The following PITPNM2 variants were observed in gnomAD, a reference collection of about 807,000 sequenced individuals.
PITPNM2 encodes membrane-associated phosphatidylinositol transfer protein 2.
In PITPNM2, 35 loss-of-function variants were observed where a neutral mutation model predicts 132.2. That is an observed-to-expected ratio of 0.26 (90% CI 0.20 to 0.35). The LOEUF (loss-of-function observed/expected upper bound fraction) is 0.35. Among genes scored for constraint, PITPNM2 ranks in the 10% least tolerant of loss-of-function variants. The pLI is 1.00. For missense variants in PITPNM2, 1,332 were observed against 1,912.0 expected (o/e 0.70, Z 5.66); for synonymous variants, 738 against 799.2 (o/e 0.92, Z 1.29).
At chr12:123,052,816 T>C (rs1037793792) in intron 2 of PITPNM2, among the ~76,000 whole-genome samples, 3 of 149,246 alleles carry the variant, frequency 2.0e-5, no homozygotes, top group African/African-American at 7.4e-5. Flanking sequence ...GAAACCAGCC[T>C]GTAGTTTTGT....
chr12:123,065,176 A>C (rs1592985700), intron 2 of PITPNM2, among the ~76,000 whole-genome samples: 1 of 152,348 alleles, frequency 6.6e-6, no homozygotes, highest in East Asian at 1.9e-4. Context: ...TCGGTCTGTG[A>C]GGTCAAGCTC....
chr12:123,034,521 T>A lies in PITPNM2; in HGVS notation c.70A>T (p.Met24Leu). 1 of 1,612,906 alleles carries A rather than the reference T, an allele frequency of 6.2e-7. No individual in the cohort carries two copies. Among genetic ancestry groups the A allele is most frequent in the Non-Finnish European group, 8.5e-7 (1 of 1,179,068 alleles). Residue 24 changes from methionine (M) to leucine (L), a missense_variant, in exon 3 of 26, where the codon ATG becomes TTG. By Grantham distance (15) the Met-to-Leu change is conservative. Coordinates refer to ENST00000320201, the MANE Select transcript of PITPNM2 (RefSeq NM_020845.3). ...VEEYRIAQLYMIQKKSRNETY... is the reference protein window; with the variant it reads ...VEEYRIAQLYLIQKKSRNETY... Reference sequence around the variant, plus strand: ...CTTGCCCCACGACCCACCTGTATCATGTACAGCTGGGCGATGCGGTACTCC... The same window carrying A: ...CTTGCCCCACGACCCACCTGTATCAAGTACAGCTGGGCGATGCGGTACTCC...
At chr12:123,123,694 G>A (rs769889293) in intron 1 of PITPNM2, among the ~76,000 whole-genome samples, 8 of 152,100 alleles carry the variant, frequency 5.3e-5, no homozygotes, top group Non-Finnish European at 1.0e-4. Context: ...CCACACTTTG[G>A]GAGGCTGAGA....
At position 122,985,774 on chromosome 12, in the gene PITPNM2, G is replaced by A. The variant is rs991445262; in HGVS notation, c.*253C>T. ...CTGGGAGAACCTCCCGGGCCAGTCTGAGTGGGAGGTTCTGGTCCCTCTGCC... is the reference window on the plus strand; with the variant it reads ...CTGGGAGAACCTCCCGGGCCAGTCTAAGTGGGAGGTTCTGGTCCCTCTGCC... On this transcript the variant is annotated 3_prime_UTR_variant, in exon 26 of 26. Transcript: ENST00000320201. 2.5e-6 allele frequency: 1 copy of A among 401,568 alleles called. No individual in the cohort carries two copies. The highest frequency in any genetic ancestry group is 2.1e-5 in the African/African-American group (1 of 47,858). 24.9% of individuals were successfully genotyped at this position (401,568 alleles called of 1,614,324 possible).
In PITPNM2 at chr12:122,992,521, C is replaced by T. The variant is rs762494000; in HGVS notation, c.2382G>A (p.Gly794=). Residue 794 remains glycine (G), a synonymous_variant, in exon 16 of 26, where the codon GGG becomes GGA. Coordinates refer to ENST00000320201, the MANE Select transcript of PITPNM2 (RefSeq NM_020845.3). The surrounding 1 kb of genome is among the most constrained non-coding windows in gnomAD (Gnocchi z 6.5). The part of the protein sequence containing the change: ...SVPRYQRYPL[G]DGCSTLLADV... ...CACCCAGCAGCGTGGAGCAGCCATC[C>T]CCCAGCGGGTAGCGTTGGTAGCGGG... is the stretch of plus-strand genomic sequence containing the variant. 7 of 1,611,028 alleles carry T rather than the reference C, an allele frequency of 4.3e-6. No homozygotes were observed. The highest frequency in any genetic ancestry group is 5.9e-6 in the Non-Finnish European group (7 of 1,179,468).
At chr12:123,073,015 G>A (rs1451936266) in intron 2 of PITPNM2, among the ~76,000 whole-genome samples, 5 of 152,166 alleles carry the variant, frequency 3.3e-5, no homozygotes, top group South Asian at 4.1e-4. Flanking sequence ...TGATTCCATC[G>A]CCTGCCCCCC....
At chr12:123,018,015 CCTTCCTTCCTTCCTTCCTT>C (rs2039500606) in intron 3 of PITPNM2, among the ~76,000 whole-genome samples, 1 of 141,250 alleles carries the variant, frequency 7.1e-6, no homozygotes, top group African/African-American at 2.7e-5. Context: ...TTCCTTCCTT[CCTTCCTTCCTTCCTTCCTT>C]CCTCCCTCCC....
Position 122,995,484 on chromosome 12 carries a change from G to A in PITPNM2, c.1959C>T (p.Gly653=). The change falls in exon 14 of 26, where the codon GGC becomes GGT. Residue 653 remains glycine (G), a synonymous_variant. Transcript: ENST00000320201. ...RSNVDIPRSN[G]TEDPKRQLPR... ...GCAGTTGCCTTTTGGGGTCCTCAGT[G>A]CCGTTGCTGCGGGGGATGTCGACGT... 6.2e-7 allele frequency: 1 copy of A among 1,613,980 alleles called. No individual in the cohort carries two copies. Among genetic ancestry groups the A allele is most frequent in the Non-Finnish European group, 8.5e-7 (1 of 1,180,010 alleles).
At chr12:123,065,878 C>T (rs1007610740) in intron 2 of PITPNM2, among the ~76,000 whole-genome samples, 1 of 152,200 alleles carries the variant, frequency 6.6e-6, no homozygotes, top group Non-Finnish European at 1.5e-5. Context: ...CAGGGGCACC[C>T]TCTGTCATCC....
At chr12:123,047,812 C>G (rs1768310707) in intron 2 of PITPNM2, among the ~76,000 whole-genome samples, 1 of 149,766 alleles carries the variant, frequency 6.7e-6, no homozygotes, top group Non-Finnish European at 1.5e-5. Context: ...CAAAAAGAGA[C>G]AGAATTGGCC....
chr12:122,989,707 C>T, intron 18 of PITPNM2, 80 bp downstream of exon 18: 1 of 1,284,102 alleles, frequency 7.8e-7, no homozygotes, highest in Non-Finnish European at 1.0e-6. Context: ...AAGCGGGGGT[C>T]TAGGTGGGCA....
chr12:123,043,584 T>G (rs535743882), intron 2 of PITPNM2, among the ~76,000 whole-genome samples: 23 of 152,344 alleles, frequency 1.5e-4, no homozygotes, highest in Non-Finnish European at 2.5e-4. Flanking sequence ...GCCAAGCCAC[T>G]GCAGGAGTTG....
At position 123,000,660 on chromosome 12, in the gene PITPNM2, G is replaced by A. The variant is rs2038619972; in HGVS notation, c.1224+118C>T. On this transcript the variant is annotated intron_variant, in intron 10 of 25. Transcript: ENST00000320201. This position sits in a 1 kb window ranked among gnomAD's most constrained non-coding sequence, Gnocchi z 5.4. ...CTCCCCAGACAGTACCCAGGCAGGC[G>A]TGGAGGTGAGGCTGCCAGGCCCAGA... is the stretch of plus-strand genomic sequence containing the variant. 6 of 1,125,520 alleles carry A rather than the reference G, an allele frequency of 5.3e-6. No homozygotes were observed. The highest frequency in any genetic ancestry group is 7.8e-6 in the Non-Finnish European group (6 of 774,100). The allele number at this position is 1,125,520 out of a possible 1,614,324, so 69.7% of individuals were successfully genotyped here.
At position 123,131,116 on chromosome 12, in the gene PITPNM2, C is replaced by T. The variant is rs529561729; in HGVS notation, c.-200+19637G>A. Among the ~76,000 whole-genome samples the T allele has an allele frequency of 1.2e-4, 18 of 152,234 alleles. No homozygotes were observed. The East Asian group carries it at 3.5e-3, about 29-fold the overall frequency. ...ATTATATGGGTTGAAGAATGTCCTC[C>T]CAAAACTCATATCCTTGTCAGAAAC... On this transcript the variant is annotated intron_variant, in intron 1 of 25. Coordinates refer to ENST00000320201, the MANE Select transcript of PITPNM2 (RefSeq NM_020845.3).
intron 4 of PITPNM2, among the ~76,000 whole-genome samples, chr12:123,013,313 C>G (rs1376148224): frequency 1.3e-5 from 2 of 152,232 alleles, no homozygotes; most frequent in African/African-American, 2.4e-5. Context: ...TTCAACTCAG[C>G]AGTGATAAGC....
rs190319480 is a variant in PITPNM2, at chr12:123,134,550, C to T, written c.-200+16203G>A. Reference sequence around the variant, plus strand: ...GCACACACAAATGCCTCCTTCAAACCAGGCTGCAGGGAGGCTCCTCTCAAG... The same window carrying T: ...GCACACACAAATGCCTCCTTCAAACTAGGCTGCAGGGAGGCTCCTCTCAAG... On this transcript the variant is annotated intron_variant, in intron 1 of 25. Coordinates refer to ENST00000320201, the MANE Select transcript of PITPNM2 (RefSeq NM_020845.3). 1.6e-4 allele frequency among the ~76,000 whole-genome samples: 24 copies of T among 152,282 alleles called. No individual in the cohort carries two copies. The East Asian group carries it at 4.4e-3, about 28-fold the overall frequency.
rs772465709 is a variant in PITPNM2 at position 123,005,361 on chromosome 12, C to T, written c.831G>A (p.Ser277=). 5.1e-5 allele frequency: 83 copies of T among 1,614,002 alleles called. No individual in the cohort carries two copies. Among genetic ancestry groups the T allele is most frequent in the South Asian group, 5.1e-4 (46 of 91,080 alleles). ...ATELVKHEAV[S]DQTSGEPPEP... ...CCGGGGGCTCCCCAGAGGTCTGGTC[C>T]GAGACGGCTTCGTGCTTGACGAGCT... Residue 277 remains serine (S), a synonymous_variant, in exon 7 of 26, where the codon TCG becomes TCA. Coordinates refer to ENST00000320201, the MANE Select transcript of PITPNM2 (RefSeq NM_020845.3). The surrounding 1 kb of genome is among the most constrained non-coding windows in gnomAD (Gnocchi z 6.2).
chr12:123,122,023 C>T (rs2043043373), intron 1 of PITPNM2, among the ~76,000 whole-genome samples: 1 of 152,186 alleles, frequency 6.6e-6, no homozygotes, highest in Non-Finnish European at 1.5e-5. Context: ...CCATGCCCAT[C>T]TAACACGTCA....
At chr12:123,125,864 GTTTT>G (rs373787897) in intron 1 of PITPNM2, among the ~76,000 whole-genome samples, 1 of 64,844 alleles carries the variant, frequency 1.5e-5, no homozygotes, top group Non-Finnish European at 2.7e-5. Context: ...AAAAATTAGG[GTTTT>G]TTTTTTTTTT....
Sources: gnomAD v4.1 joint callset for allele counts (sites outside exome capture counted in the v4.1 genomes callset) on GRCh38, gnomAD v4.1.1 for gene constraint, Gnocchi (gnomAD v3.1) non-coding constraint, MANE v1.5 for transcripts, NCBI Gene and HGNC (gene_info 2026-07-23, HGNC 2026-07-21) for gene names.